Variants in TSGA13 observed in about 807,000 individuals in gnomAD.
TSGA13 encodes the protein testis-specific gene 13 protein.
A neutral mutation model predicts 35.1 loss-of-function variants in TSGA13; 37 were observed. That is an observed-to-expected ratio of 1.05 (90% CI 0.81 to 1.39). The LOEUF (loss-of-function observed/expected upper bound fraction) is 1.39. TSGA13 is among the 40% of genes most tolerant of loss of function. The probability of loss-of-function intolerance (pLI) is 0.00; values close to 1 mark genes in which losing one functional copy is unlikely to be tolerated. For missense variants in TSGA13, 338 were observed against 328.5 expected (o/e 1.03, Z -0.22); for synonymous variants, 124 against 121.2 (o/e 1.02, Z -0.15).
In TSGA13 at chr7:130,685,338, G is replaced by A. The variant is rs1046903642; in HGVS notation, c.-128C>T. Reference sequence around the variant, plus strand: ...ATATTCTTTCCTTAGCACACAGTGTGTACTCATGCCCCATTCTTGAGCCTG... The same window carrying A: ...ATATTCTTTCCTTAGCACACAGTGTATACTCATGCCCCATTCTTGAGCCTG... On this transcript the variant is annotated 5_prime_UTR_variant, in exon 2 of 8. Coordinates refer to ENST00000356588, the MANE Select transcript of TSGA13 (RefSeq NM_052933.4). The A allele has an allele frequency of 1.3e-6, 2 of 1,538,804 alleles. No individual in the cohort carries two copies. The highest frequency in any genetic ancestry group is 1.8e-6 in the Non-Finnish European group (2 of 1,129,618).
chr7:130,671,104 C>T (rs868937733), intron 7 of TSGA13, among the ~76,000 whole-genome samples: 7 of 152,140 alleles, frequency 4.6e-5, no homozygotes, highest in Non-Finnish European at 8.8e-5. Context: ...TACCCCATTC[C>T]CTACCCCAAT....
intron 5 of TSGA13, among the ~76,000 whole-genome samples, chr7:130,674,169 CTTT>C (rs1162370815): frequency 4.1e-5 from 4 of 98,412 alleles, no homozygotes; most frequent in Admixed American, 2.8e-4. Flanking sequence ...TTCTTTTTTT[CTTT>C]TTTTTTTTTT....
chr7:130,669,074 G>A lies in TSGA13; in HGVS notation c.768C>T (p.Ser256=). 6.2e-7 allele frequency: 1 copy of A among 1,614,228 alleles called. No homozygotes were observed. Among genetic ancestry groups the A allele is most frequent in the Non-Finnish European group, 8.5e-7 (1 of 1,180,038 alleles). ...DMPTRTAPGE[S]AFRNGRAPQW... ...GCGGGGCCCTCCCGTTGCGGAAGGC[G>A]CTCTCCCCGGGCGCGGTTCTGGTGG... is the stretch of plus-strand genomic sequence containing the variant. Residue 256 remains serine, a synonymous_variant, in exon 8 of 8, where the codon AGC becomes AGT. Transcript: ENST00000356588.
intron 7 of TSGA13, among the ~76,000 whole-genome samples, chr7:130,669,837 T>C (rs2116290791): frequency 6.6e-6 from 1 of 152,358 alleles, no homozygotes; most frequent in East Asian, 1.9e-4. Flanking sequence ...TCATACTTTG[T>C]AGGTGGAGTT....
Position 130,680,439 on chromosome 7 carries a change from G to A in TSGA13, c.174+507C>T, listed in dbSNP as rs574746694. On this transcript the variant is annotated intron_variant, in intron 4 of 7. Transcript: ENST00000356588. ...GAGAATAGCATGAACCCAGGGGGCGGAGCTTGCAGTGAGCCGAGATCGCAC... is the reference window on the plus strand; with the variant it reads ...GAGAATAGCATGAACCCAGGGGGCGAAGCTTGCAGTGAGCCGAGATCGCAC... Among the ~76,000 whole-genome samples the A allele has an allele frequency of 9.2e-5, 14 of 151,808 alleles. No individual in the cohort carries two copies. The South Asian group carries it at 2.9e-3, about 32-fold the overall frequency.
At chr7:130,678,232 A>T (rs1796457054) in intron 5 of TSGA13, among the ~76,000 whole-genome samples, 1 of 152,190 alleles carries the variant, frequency 6.6e-6, no homozygotes, top group Non-Finnish European at 1.5e-5. Flanking sequence ...ACAAAAAATT[A>T]GCTGGGCGTG....
intron 4 of TSGA13, among the ~76,000 whole-genome samples, chr7:130,679,619 C>A (rs1796497502): frequency 6.6e-6 from 1 of 152,164 alleles, no homozygotes; most frequent in African/African-American, 2.4e-5. Flanking sequence ...AAGTGATTCT[C>A]CCACCTTGGC....
rs782799128 is a variant in TSGA13 at position 130,669,183 on chromosome 7, G to A, written c.659C>T (p.Ala220Val). The A allele has an allele frequency of 1.2e-6, 2 of 1,614,068 alleles. No individual in the cohort carries two copies. Among genetic ancestry groups the A allele is most frequent in the African/African-American group, 2.7e-5 (2 of 74,930 alleles). Residue 220 changes from alanine (A) to valine (V), a missense_variant and splice_region_variant, in exon 8 of 8, where the codon GCT becomes GTT. Physicochemically the swap from Ala to Val is moderately conservative, Grantham distance 64 (BLOSUM62 0). Transcript: ENST00000356588. The stretch of plus-strand genomic sequence containing the variant: ...CCTTTCACTCGCTGACTTCTTGGAA[G>A]CTACGACAAAGCACAGGCACCCTGG... Reference protein sequence around the residue: ...PVHERDMRKDASKKSASERPI... With the variant: ...PVHERDMRKDVSKKSASERPI...
At chr7:130,682,447 G>T (rs1489969602) in intron 3 of TSGA13, among the ~76,000 whole-genome samples, 3 of 150,890 alleles carry the variant, frequency 2.0e-5, no homozygotes, top group East Asian at 2.0e-4. Flanking sequence ...AGAGATGAGG[G>T]TCTCACTGTG....
At chr7:130,679,559 G>T (rs1361292524) in intron 4 of TSGA13, among the ~76,000 whole-genome samples, 192 bp from the exon 5 acceptor site, 1 of 152,098 alleles carries the variant, frequency 6.6e-6, no homozygotes, top group Non-Finnish European at 1.5e-5. Flanking sequence ...GCCCAGGCTG[G>T]AGCCCAGTGG....
intron 7 of TSGA13, among the ~76,000 whole-genome samples, chr7:130,670,852 C>T (rs1485185362): frequency 2.0e-5 from 3 of 152,048 alleles, no homozygotes; most frequent in African/African-American, 7.3e-5. Flanking sequence ...GTGTCAAGCC[C>T]CTGGCCTCCA....
intron 5 of TSGA13, among the ~76,000 whole-genome samples, chr7:130,677,714 T>C (rs10242275): frequency 0.79 from 120,838 of 152,004 alleles, 48,351 homozygotes; most frequent in Non-Finnish European, 0.85. Flanking sequence ...CGTGAGCCAC[T>C]GCGCCTGGCC....
At chr7:130,682,410 A>G (rs1424399597) in intron 3 of TSGA13, among the ~76,000 whole-genome samples, 2 of 151,678 alleles carry the variant, frequency 1.3e-5, no homozygotes, top group Non-Finnish European at 2.9e-5. Context: ...GTGAGCTACC[A>G]TGCCTGGCCT....
At chr7:130,684,732 C>T (rs781985788) in intron 2 of TSGA13, among the ~76,000 whole-genome samples, 20 of 152,300 alleles carry the variant, frequency 1.3e-4, no homozygotes, top group Admixed American at 7.2e-4. Flanking sequence ...GTCTTAAAAA[C>T]GGTCCCAACA....
At position 130,668,795 on chromosome 7, in the gene TSGA13, G is replaced by T. The variant is rs1033612581; in HGVS notation, c.*219C>A. 9 of 1,305,012 alleles carry T rather than the reference G, an allele frequency of 6.9e-6. No individual in the cohort carries two copies. The African/African-American group carries it at 1.2e-4, about 18-fold the overall frequency. The allele number at this position is 1,305,012 out of a possible 1,614,324, so 80.8% of individuals were successfully genotyped here. A position where few individuals can be genotyped will look rare whatever the true frequency, so the allele number is the denominator to read the frequency against. Reference sequence around the variant, plus strand: ...CGGTTGGGCCGCCGCGCCTTCACTCGGGGCCAAGGCCCGCCCTCCCCGGCC... The same window carrying T: ...CGGTTGGGCCGCCGCGCCTTCACTCTGGGCCAAGGCCCGCCCTCCCCGGCC... On this transcript the variant is annotated 3_prime_UTR_variant, in exon 8 of 8. Transcript: ENST00000356588.
At chr7:130,676,297 T>G (rs938399665) in intron 5 of TSGA13, among the ~76,000 whole-genome samples, 53 of 152,322 alleles carry the variant, frequency 3.5e-4, no homozygotes, top group Admixed American at 3.0e-3. Context: ...CCCCATAAAA[T>G]TACCATGGTG....
chr7:130,679,665 CTG>C (rs1796498670), intron 4 of TSGA13, among the ~76,000 whole-genome samples: 1 of 152,046 alleles, frequency 6.6e-6, no homozygotes, highest in South Asian at 2.1e-4. Context: ...ACATGCCACC[CTG>C]TCCAGCTGAT....
chr7:130,678,772 A>T (rs1191583895), intron 5 of TSGA13, among the ~76,000 whole-genome samples: 1 of 152,194 alleles, frequency 6.6e-6, no homozygotes, highest in Admixed American at 6.5e-5. Context: ...CTATAATCCC[A>T]GCACTTTGGG....
intron 5 of TSGA13, among the ~76,000 whole-genome samples, chr7:130,675,650 TG>T (rs1796397032): frequency 6.6e-6 from 1 of 152,246 alleles, no homozygotes; most frequent in Admixed American, 6.5e-5. Flanking sequence ...CCCAAAGTGC[TG>T]GGCTTACAGG....
Sources: gnomAD v4.1 joint callset for allele counts (sites outside exome capture counted in the v4.1 genomes callset) on GRCh38, gnomAD v4.1.1 for gene constraint, MANE v1.5 for transcripts, NCBI Gene and HGNC (gene_info 2026-07-23, HGNC 2026-07-21) for gene names.